Variants in RPS6KC1 observed in about 807,000 individuals in gnomAD.
RPS6KC1 encodes the protein inactive ribosomal protein S6 kinase delta-1.
In RPS6KC1, 54 loss-of-function variants were observed where a neutral mutation model predicts 103.8. That is an observed-to-expected ratio of 0.52 (90% CI 0.42 to 0.65). The LOEUF is 0.65. RPS6KC1 is among the 30% of genes least tolerant of loss of function. RPS6KC1 has a pLI of 0.00. For synonymous variants in RPS6KC1, 439 were observed against 438.7 expected (o/e 1.00, Z -0.01); for missense variants, 1,151 against 1,253.8 (o/e 0.92, Z 1.24).
chr1:213,173,836 A>T (rs2091662568), intron 7 of RPS6KC1, among the ~76,000 whole-genome samples: 1 of 152,258 alleles, frequency 6.6e-6, no homozygotes, highest in African/African-American at 2.4e-5. Context: ...GTGGGTGCAC[A>T]GTAATTATTT....
At chr1:213,800,092 C>A in the RPS6KC1 span, among the ~76,000 whole-genome samples, 3 of 152,140 alleles carry the variant, frequency 2.0e-5, no homozygotes, top group Non-Finnish European at 2.9e-5. Flanking sequence ...ACCTAATAAC[C>A]TCTGAAGGCC....
chr1:213,276,739 A>G (rs77242931), downstream of RPS6KC1, among the ~76,000 whole-genome samples: 1,705 of 152,336 alleles, frequency 0.011, 38 homozygotes, highest in African/African-American at 0.037. Context: ...TGGTGGTTAT[A>G]TAGTTGTAAA....
chr1:213,520,069 CTTA>C, the RPS6KC1 span, among the ~76,000 whole-genome samples: 9 of 152,134 alleles, frequency 5.9e-5, no homozygotes, highest in African/African-American at 2.2e-4. Flanking sequence ...AATGGTGGTT[CTTA>C]TTATGTGTCT....
chr1:213,627,040 G>A, the RPS6KC1 span, among the ~76,000 whole-genome samples: 2 of 152,168 alleles, frequency 1.3e-5, no homozygotes. Flanking sequence ...TCACGATACT[G>A]ATTCTTCCTA....
At chr1:213,345,664 G>A in the RPS6KC1 span, among the ~76,000 whole-genome samples, 1 of 152,148 alleles carries the variant, frequency 6.6e-6, no homozygotes, top group Non-Finnish European at 1.5e-5. Context: ...GAATGACTGG[G>A]ATGTTTTCCA....
At chr1:213,292,049 A>G in the RPS6KC1 span, among the ~76,000 whole-genome samples, 2 of 151,980 alleles carry the variant, frequency 1.3e-5, no homozygotes, top group African/African-American at 4.8e-5. Context: ...GAATTGAACA[A>G]TGAGAACACA....
chr1:213,470,113 C>T, the RPS6KC1 span, among the ~76,000 whole-genome samples: 1 of 152,210 alleles, frequency 6.6e-6, no homozygotes. Flanking sequence ...ATTCAAATTT[C>T]CCTAATTATT....
chr1:213,737,523 A>G, the RPS6KC1 span, among the ~76,000 whole-genome samples: 1 of 152,214 alleles, frequency 6.6e-6, no homozygotes, highest in Middle Eastern at 3.2e-3. Context: ...AAAACAGCTT[A>G]TGTCAATGAC....
chr1:213,775,039 T>C, the RPS6KC1 span, among the ~76,000 whole-genome samples: 6 of 152,088 alleles, frequency 3.9e-5, no homozygotes, highest in African/African-American at 1.4e-4. Context: ...AGAAGGTCTT[T>C]GAGGGGACAT....
At chr1:213,565,399 A>G in the RPS6KC1 span, among the ~76,000 whole-genome samples, 66 of 152,260 alleles carry the variant, frequency 4.3e-4, no homozygotes, top group Middle Eastern at 3.2e-3. Flanking sequence ...ATAAATTGGT[A>G]TGCTCATATA....
chr1:213,461,463 T>C, the RPS6KC1 span, among the ~76,000 whole-genome samples: 1 of 151,972 alleles, frequency 6.6e-6, no homozygotes, highest in Non-Finnish European at 1.5e-5. Context: ...GAAAAGCCCA[T>C]ATAGCCAAGA....
chr1:213,522,543 T>C, the RPS6KC1 span, among the ~76,000 whole-genome samples: 2 of 152,230 alleles, frequency 1.3e-5, no homozygotes, highest in Admixed American at 6.5e-5. Context: ...AAGTCCTAGA[T>C]AGCATCTTCT....
chr1:213,751,347 T>C, the RPS6KC1 span, among the ~76,000 whole-genome samples: 6 of 151,934 alleles, frequency 3.9e-5, no homozygotes, highest in African/African-American at 7.3e-5. Flanking sequence ...TATCAGGAAG[T>C]TGGGAAGCTG....
At chr1:213,363,687 T>TTTCTTTCC in the RPS6KC1 span, among the ~76,000 whole-genome samples, 6 of 86,600 alleles carry the variant, frequency 6.9e-5, no homozygotes, top group East Asian at 1.2e-3. Context: ...TCTTTCTTTC[T>TTTCTTTCC]TTCTTTCTTT....
chr1:213,782,472 T>A, the RPS6KC1 span, among the ~76,000 whole-genome samples: 1 of 151,444 alleles, frequency 6.6e-6, no homozygotes, highest in Admixed American at 6.6e-5. Flanking sequence ...TATTTTGTGA[T>A]GAGGAAGAAA....
the RPS6KC1 span, among the ~76,000 whole-genome samples, chr1:213,485,663 C>T: frequency 6.6e-6 from 1 of 152,202 alleles, no homozygotes; most frequent in African/African-American, 2.4e-5. Flanking sequence ...AGGAGACAGA[C>T]TTGCACACCA....
the RPS6KC1 span, among the ~76,000 whole-genome samples, chr1:213,599,408 T>C: frequency 6.9e-6 from 1 of 144,950 alleles, no homozygotes; most frequent in African/African-American, 2.5e-5. Context: ...AGAAGAATCA[T>C]ACCCAGTCAT....
chr1:213,373,553 G>A, the RPS6KC1 span, among the ~76,000 whole-genome samples: 625 of 152,212 alleles, frequency 4.1e-3, 5 homozygotes, highest in South Asian at 1.0e-2. Flanking sequence ...CCATCCATAA[G>A]TAACCTATGC....
chr1:213,212,531 T>G (rs994690728), intron 8 of RPS6KC1, among the ~76,000 whole-genome samples: 4 of 152,220 alleles, frequency 2.6e-5, no homozygotes, highest in African/African-American at 9.7e-5. Flanking sequence ...TGAATGAAGT[T>G]TCTATAAACA....
Sources: gnomAD v4.1 joint callset for allele counts (sites outside exome capture counted in the v4.1 genomes callset) on GRCh38, gnomAD v4.1.1 for gene constraint, MANE v1.5 for transcripts, NCBI Gene and HGNC (gene_info 2026-07-23, HGNC 2026-07-21) for gene names.